The following PRKAR2B variants were observed in gnomAD, a reference collection of about 807,000 sequenced individuals.
PRKAR2B encodes the protein protein kinase cAMP-dependent type II regulatory subunit beta.
PRKAR2B carries 14 observed loss-of-function variants against 49.9 expected under a neutral mutation model. The ratio of observed to expected loss-of-function variants is 0.28; its 90% confidence interval spans 0.19 to 0.44. PRKAR2B has a LOEUF of 0.44. Ranked by LOEUF, PRKAR2B falls within the 20% of genes least tolerant of loss-of-function variation. The probability of loss-of-function intolerance (pLI) is 1.00; values close to 1 mark genes in which losing one functional copy is unlikely to be tolerated. For missense variants in PRKAR2B, 393 were observed against 537.9 expected, an observed-to-expected ratio of 0.73 and a Z score of 2.67; for synonymous variants, 196 against 197.7, an observed-to-expected ratio of 0.99 and a Z score of 0.07.
chr7:107,102,858 A>T (rs977493362), intron 2 of PRKAR2B, among the ~76,000 whole-genome samples: 1 of 152,012 alleles, frequency 6.6e-6, no homozygotes, highest in Non-Finnish European at 1.5e-5. Context: ...TTTAGTGGAG[A>T]TGGGGTTTCA....
chr7:107,061,345 A>T (rs1389508189), intron 1 of PRKAR2B, among the ~76,000 whole-genome samples: 2 of 152,196 alleles, frequency 1.3e-5, no homozygotes, highest in Non-Finnish European at 2.9e-5. Context: ...TTTTAATGAT[A>T]CTGAGTCTTC....
At chr7:107,062,279 A>T (rs1794040519) in intron 1 of PRKAR2B, among the ~76,000 whole-genome samples, 1 of 152,216 alleles carries the variant, frequency 6.6e-6, no homozygotes. Context: ...CAAGACTGGA[A>T]GTTTTTTCAA....
chr7:107,142,817 C>T (rs981022102), intron 5 of PRKAR2B, among the ~76,000 whole-genome samples: 8 of 151,832 alleles, frequency 5.3e-5, no homozygotes, highest in African/African-American at 1.7e-4. Flanking sequence ...GGCTGGAGTG[C>T]AGTGGTGCGA....
chr7:107,047,456 A>G (rs1192171213), intron 1 of PRKAR2B, among the ~76,000 whole-genome samples: 1 of 151,852 alleles, frequency 6.6e-6, no homozygotes, highest in Admixed American at 6.6e-5. Flanking sequence ...TTTTTTAAAC[A>G]CATACACCTT....
At chr7:107,070,787 G>A (rs1411434530) in intron 2 of PRKAR2B, among the ~76,000 whole-genome samples, 4 of 152,138 alleles carry the variant, frequency 2.6e-5, no homozygotes, top group Admixed American at 6.5e-5. Context: ...AGGGACAGGA[G>A]AACTCTTAAA....
chr7:107,120,916 G>A lies in PRKAR2B; in HGVS notation c.344-1036G>A, dbSNP rs562909366. 2.3e-4 allele frequency among the ~76,000 whole-genome samples: 35 copies of A among 151,458 alleles called. 1 individual carries two copies. In the South Asian group the frequency reaches 6.0e-3, roughly 26 times the overall value. ...ATATTTCCTATAGATAAGGACAAAG[G>A]AGGAAATACAACCATCCTATAAACA... On this transcript the variant is annotated intron_variant, in intron 2 of 10. Coordinates refer to ENST00000265717, the MANE Select transcript of PRKAR2B (RefSeq NM_002736.3).
At chr7:107,060,197 A>G (rs537292228) in intron 1 of PRKAR2B, among the ~76,000 whole-genome samples, 5 of 152,332 alleles carry the variant, frequency 3.3e-5, no homozygotes, top group East Asian at 3.9e-4. Flanking sequence ...TTGAGAGTAT[A>G]TAGAGATTTT....
intron 10 of PRKAR2B, among the ~76,000 whole-genome samples, chr7:107,158,363 AAACAT>A (rs1328663488): frequency 2.6e-5 from 4 of 152,310 alleles, no homozygotes; most frequent in African/African-American, 9.6e-5. Context: ...AATGTAGAAA[AAACAT>A]AACACCGCCA....
intron 4 of PRKAR2B, among the ~76,000 whole-genome samples, chr7:107,140,607 C>G (rs568399154): frequency 1.4e-4 from 22 of 152,152 alleles, no homozygotes; most frequent in African/African-American, 5.1e-4. Context: ...GTGATAGTTG[C>G]AAATATTCTA....
chr7:107,053,649 A>G (rs939620630), intron 1 of PRKAR2B, among the ~76,000 whole-genome samples: 6 of 152,040 alleles, frequency 3.9e-5, no homozygotes, highest in Non-Finnish European at 7.4e-5. Flanking sequence ...TCTATCTTAT[A>G]AAAAGGAAGT....
At chr7:107,068,264 AG>A (rs1281278010) in intron 1 of PRKAR2B, among the ~76,000 whole-genome samples, 1 of 152,114 alleles carries the variant, frequency 6.6e-6, no homozygotes, top group Non-Finnish European at 1.5e-5. Context: ...TCGTCTAAAG[AG>A]GCTGGAGGGG....
At chr7:107,117,641 C>T (rs773762937) in intron 2 of PRKAR2B, among the ~76,000 whole-genome samples, 1 of 152,112 alleles carries the variant, frequency 6.6e-6, no homozygotes, top group Non-Finnish European at 1.5e-5. Context: ...AGTGCAGAGT[C>T]GTTTTGACCA....
intron 2 of PRKAR2B, among the ~76,000 whole-genome samples, chr7:107,072,897 A>C (rs1455824644): frequency 6.6e-6 from 1 of 152,200 alleles, no homozygotes; most frequent in Non-Finnish European, 1.5e-5. Flanking sequence ...GGAAGAAAGT[A>C]AGTCAGGTAA....
Position 107,161,708 on chromosome 7 carries a change from TGTG to T in PRKAR2B, c.*2130_*2132del, listed in dbSNP as rs375374648. ...ATTCATCATGTGTGGGAGAAATAAT[TGTG>T]GTGTGTTGCAGATTTATTTGGCCAT... On this transcript the variant is annotated 3_prime_UTR_variant, in exon 11 of 11. Transcript: ENST00000265717. 4.3e-3 allele frequency: 661 copies of T among 152,322 alleles called. 6 individuals carry two copies. The highest frequency in any genetic ancestry group is 0.016 in the African/African-American group (646 of 41,568). The allele number at this position is 152,322 out of a possible 1,614,324, so 9.4% of individuals were successfully genotyped here.
chr7:107,091,638 A>T (rs1794734366), intron 2 of PRKAR2B: 1 of 152,206 alleles, frequency 6.6e-6, no homozygotes, highest in African/African-American at 2.4e-5. Flanking sequence ...TCCATTTTGC[A>T]TATAACATGG....
intron 1 of PRKAR2B, among the ~76,000 whole-genome samples, chr7:107,045,665 A>G (rs942740865): frequency 6.6e-6 from 1 of 152,150 alleles, no homozygotes; most frequent in Non-Finnish European, 1.5e-5. Flanking sequence ...GTTTAATATG[A>G]TTGGCTTTAC....
chr7:107,065,900 G>A (rs1005297574), intron 1 of PRKAR2B, among the ~76,000 whole-genome samples: 2 of 152,180 alleles, frequency 1.3e-5, no homozygotes, highest in African/African-American at 2.4e-5. Flanking sequence ...GACTTCTTCG[G>A]TTTATCCAAA....
At chr7:107,046,229 T>C (rs1793691418) in intron 1 of PRKAR2B, among the ~76,000 whole-genome samples, 1 of 152,180 alleles carries the variant, frequency 6.6e-6, no homozygotes. Flanking sequence ...CAAGCTAAAA[T>C]ACCATGGAGT....
rs1029623282 is a variant in PRKAR2B at position 107,114,649 on chromosome 7, C to T, written c.344-7303C>T. ...CCTCCTAAAGTGCTGGGATTACTGA[C>T]GTGAGCCACCATGCCTGGCCAGCAT... On this transcript the variant is annotated intron_variant, in intron 2 of 10. Coordinates refer to ENST00000265717, the MANE Select transcript of PRKAR2B (RefSeq NM_002736.3). Among the ~76,000 whole-genome samples, 7 of 151,162 alleles carry T rather than the reference C, an allele frequency of 4.6e-5. No homozygotes were observed. The East Asian group carries it at 5.8e-4, about 13-fold the overall frequency.
Sources: gnomAD v4.1 joint callset for allele counts (sites outside exome capture counted in the v4.1 genomes callset) on GRCh38, gnomAD v4.1.1 for gene constraint, MANE v1.5 for transcripts, NCBI Gene and HGNC (gene_info 2026-07-23, HGNC 2026-07-21) for gene names.